The following IQCE variants were observed in gnomAD, a reference collection of about 807,000 sequenced individuals.
The protein encoded by IQCE is IQ motif containing E.
IQCE carries 115 observed loss-of-function variants against 96.0 expected under a neutral mutation model. That is an observed-to-expected ratio of 1.20 (90% CI 1.03 to 1.40). The LOEUF (loss-of-function observed/expected upper bound fraction) is 1.40, where lower values mean the gene tolerates loss of function less well. IQCE is among the 40% of genes most tolerant of loss of function. The probability of loss-of-function intolerance (pLI) is 0.00; values close to 1 mark genes in which losing one functional copy is unlikely to be tolerated. For synonymous variants in IQCE, 412 were observed against 371.2 expected, an observed-to-expected ratio of 1.11 and a Z score of -1.26; for missense variants, 1,041 against 909.1, an observed-to-expected ratio of 1.15 and a Z score of -1.87.
At chr7:2,585,443 C>G (rs1449511641) in intron 11 of IQCE, among the ~76,000 whole-genome samples, 2 of 152,248 alleles carry the variant, frequency 1.3e-5, no homozygotes, top group Non-Finnish European at 2.9e-5. Context: ...TTTCATCAAA[C>G]TCATGGCTGG....
Position 2,572,266 on chromosome 7 carries a change from G to T in IQCE, c.334G>T (p.Asp112Tyr), listed in dbSNP as rs372901710. ...GACTGGCGTCCCCGGCGGCACTCCT[G>T]ACTGTCTGACAGACACCTTCAGAGT... ...AWTGVPGGTPDCLTDTFRVKR... is the reference protein window; with the variant it reads ...AWTGVPGGTPYCLTDTFRVKR... Residue 112 changes from aspartate (D) to tyrosine (Y), a missense_variant, in exon 5 of 22, where the codon GAC (aspartate) becomes TAC (tyrosine). Transcript: ENST00000402050. The T allele has an allele frequency of 6.2e-7, 1 of 1,614,034 alleles. No individual in the cohort carries two copies. The highest frequency in any genetic ancestry group is 8.5e-7 in the Non-Finnish European group (1 of 1,179,984).
chr7:2,593,775 G>A (rs1043756727), intron 15 of IQCE, among the ~76,000 whole-genome samples: 5 of 152,242 alleles, frequency 3.3e-5, no homozygotes, highest in African/African-American at 9.6e-5. Flanking sequence ...CGATGTAAAC[G>A]TTCTGGAATT....
At chr7:2,589,588 G>T (rs1022687158) in intron 13 of IQCE, among the ~76,000 whole-genome samples, 4 of 152,142 alleles carry the variant, frequency 2.6e-5, no homozygotes, top group Admixed American at 2.6e-4. Context: ...AGTTCCAGGG[G>T]ACAGGAGGGA....
At chr7:2,588,237 C>T (rs928812899) in intron 13 of IQCE, among the ~76,000 whole-genome samples, 5 of 152,320 alleles carry the variant, frequency 3.3e-5, no homozygotes, top group African/African-American at 1.2e-4. Context: ...TGACCCAACT[C>T]CTGGCCAGGC....
At chr7:2,591,579 C>T (rs568771153) in intron 14 of IQCE, among the ~76,000 whole-genome samples, 168 of 150,596 alleles carry the variant, frequency 1.1e-3, no homozygotes, top group African/African-American at 3.8e-3. Context: ...CCCCAGCCTT[C>T]GGAATCATAC....
intron 12 of IQCE, among the ~76,000 whole-genome samples, chr7:2,586,849 T>C (rs1041051027): frequency 5.9e-5 from 9 of 151,966 alleles, no homozygotes; most frequent in African/African-American, 2.2e-4. Flanking sequence ...ACGTGGAGTG[T>C]GGCCCCTGAG....
At chr7:2,597,318 C>T (rs1208578635) in intron 16 of IQCE, among the ~76,000 whole-genome samples, 2 of 152,256 alleles carry the variant, frequency 1.3e-5, no homozygotes, top group Non-Finnish European at 2.9e-5. Context: ...ACCAGATTAG[C>T]TGCTCGCATA....
intron 18 of IQCE, among the ~76,000 whole-genome samples, chr7:2,604,176 C>G (rs1192065225): frequency 6.6e-6 from 1 of 152,144 alleles, no homozygotes; most frequent in East Asian, 1.9e-4. Flanking sequence ...TTAGTAGAGA[C>G]AGGTTTTTAC....
At chr7:2,603,619 C>T (rs574972472) in intron 18 of IQCE, among the ~76,000 whole-genome samples, 13 of 152,266 alleles carry the variant, frequency 8.5e-5, no homozygotes, top group African/African-American at 2.4e-4. Flanking sequence ...CCCCTCTCAC[C>T]CCTCCGGCTG....
intron 21 of IQCE, among the ~76,000 whole-genome samples, chr7:2,608,621 T>TC (rs1350921633): frequency 3.3e-5 from 5 of 152,174 alleles, no homozygotes; most frequent in Non-Finnish European, 7.3e-5. Flanking sequence ...CAAAAGGCTT[T>TC]CAGTTGTTCT....
At chr7:2,595,187 C>T (rs1328177509) in intron 16 of IQCE, among the ~76,000 whole-genome samples, 1 of 152,212 alleles carries the variant, frequency 6.6e-6, no homozygotes, top group African/African-American at 2.4e-5. Flanking sequence ...ACTTCTCGAA[C>T]TGATATTTGA....
chr7:2,602,293 C>A (rs1312944875), intron 18 of IQCE, among the ~76,000 whole-genome samples: 1 of 152,230 alleles, frequency 6.6e-6, no homozygotes, highest in Admixed American at 6.5e-5. Flanking sequence ...AGTATGTCAC[C>A]CACAGCTGAG....
chr7:2,608,308 A>G (rs371951171), intron 21 of IQCE, among the ~76,000 whole-genome samples: 2 of 152,196 alleles, frequency 1.3e-5, no homozygotes, highest in East Asian at 1.9e-4. Context: ...TGAGGCCCGC[A>G]TCAGACCTGG....
chr7:2,560,447 A>T (rs916786332), intron 1 of IQCE, among the ~76,000 whole-genome samples: 1 of 152,176 alleles, frequency 6.6e-6, no homozygotes, highest in African/African-American at 2.4e-5. Context: ...GGTTCAGCAC[A>T]GCTGCACCCG....
chr7:2,565,143 TG>T (rs1781274937), intron 1 of IQCE, among the ~76,000 whole-genome samples: 1 of 151,068 alleles, frequency 6.6e-6, no homozygotes, highest in Non-Finnish European at 1.5e-5. Flanking sequence ...AGTGTGTGTG[TG>T]TGTGTGTGTG....
At chr7:2,597,115 TGAG>T (rs1422486819) in intron 16 of IQCE, 4 of 470,166 alleles carry the variant, frequency 8.5e-6, no homozygotes, top group Non-Finnish European at 1.8e-5. Context: ...GCCTTTATCA[TGAG>T]AAGGAGAGGG....
In IQCE at chr7:2,559,187, C is replaced by T; in HGVS notation, c.6C>T (p.Phe2=). The part of the protein sequence containing the change: M[F]LGTGEPALDT... ...GGCCGGGCAGCGCCGCCACCATGTT[C>T]CTGGGCACCGGGGAGCCGGCCTTGG... Residue 2 remains phenylalanine (F), a synonymous_variant, in exon 1 of 22, where the codon TTC becomes TTT. Coordinates refer to ENST00000402050, the MANE Select transcript of IQCE (RefSeq NM_152558.5). 2 of 1,215,914 alleles carry T rather than the reference C, an allele frequency of 1.6e-6. No homozygotes were observed. Among genetic ancestry groups the T allele is most frequent in the Non-Finnish European group, 2.0e-6 (2 of 976,964 alleles). The allele number at this position is 1,215,914 out of a possible 1,614,324, so 75.3% of individuals were successfully genotyped here.
intron 19 of IQCE, 134 bp from the exon 20 acceptor site, chr7:2,605,742 G>A (rs1235398783): frequency 1.2e-6 from 1 of 869,412 alleles, no homozygotes; most frequent in Non-Finnish European, 1.6e-6. Context: ...GCAATTCCCG[G>A]GAGGCAGGGC....
rs1472971997 is a variant in IQCE at position 2,586,198 on chromosome 7, G to C, written c.825-10G>C. On this transcript the variant is annotated splice_polypyrimidine_tract_variant and intron_variant, in intron 11 of 21. Coordinates refer to ENST00000402050, the MANE Select transcript of IQCE (RefSeq NM_152558.5). ...AATGCAAACCTCAGTCCACGATTTG[G>C]TTGTTCCAGGCCCCTGGGGGAGAAG... is the stretch of plus-strand genomic sequence containing the variant. 6.2e-7 allele frequency: 1 copy of C among 1,609,802 alleles called. No homozygotes were observed. The highest frequency in any genetic ancestry group is 1.7e-5 in the Admixed American group (1 of 58,838).
Sources: allele counts gnomAD v4.1 joint callset (sites outside exome capture counted in the v4.1 genomes callset), GRCh38; gene constraint gnomAD v4.1.1; transcripts MANE v1.5; gene names NCBI Gene and HGNC (gene_info 2026-07-23, HGNC 2026-07-21).